The following CNIH3 variants were observed in gnomAD, a reference collection of about 807,000 sequenced individuals.
CNIH3 encodes the protein cornichon family AMPA receptor auxiliary protein 3, also known as protein cornichon homolog 3.
CNIH3 carries 14 observed loss-of-function variants against 24.1 expected under a neutral mutation model. The ratio of observed to expected loss-of-function variants is 0.58; its 90% confidence interval spans 0.38 to 0.91. The LOEUF (loss-of-function observed/expected upper bound fraction) is 0.91, where lower values mean the gene tolerates loss of function less well. Among genes scored for constraint, CNIH3 ranks in the 40% least tolerant of loss-of-function variants. CNIH3 has a pLI of 0.00. For missense variants in CNIH3, 178 were observed against 196.8 expected, an observed-to-expected ratio of 0.90 and a Z score of 0.57; for synonymous variants, 68 against 73.8, an observed-to-expected ratio of 0.92 and a Z score of 0.40.
intron 3 of CNIH3, among the ~76,000 whole-genome samples, chr1:224,722,805 G>A (rs6679040): frequency 0.15 from 22,661 of 152,226 alleles, 2,216 homozygotes; most frequent in African/African-American, 0.28. Context: ...CAGCCAGGCT[G>A]TAGAGCAGGG....
chr1:224,647,249 C>G (rs1002620769), intron 1 of CNIH3, among the ~76,000 whole-genome samples: 2 of 152,318 alleles, frequency 1.3e-5, no homozygotes, highest in African/African-American at 4.8e-5. Flanking sequence ...TCCCAAAGTG[C>G]CGTAATTATA....
chr1:224,730,834 C>T (rs1343561159), intron 4 of CNIH3, among the ~76,000 whole-genome samples: 1 of 152,216 alleles, frequency 6.6e-6, no homozygotes, highest in Non-Finnish European at 1.5e-5. Flanking sequence ...GCATTCACAA[C>T]AGCCAAAGAG....
intron 3 of CNIH3, among the ~76,000 whole-genome samples, chr1:224,712,440 C>T (rs1207034103): frequency 6.6e-6 from 1 of 152,170 alleles, no homozygotes; most frequent in Non-Finnish European, 1.5e-5. Flanking sequence ...GGATTGTACT[C>T]TTCCTAAAAG....
upstream of CNIH3, among the ~76,000 whole-genome samples, chr1:224,511,293 T>C (rs1012945944): frequency 6.6e-6 from 1 of 152,218 alleles, no homozygotes; most frequent in Non-Finnish European, 1.5e-5. Context: ...CCCCAGACCC[T>C]ATTTAATAAT....
At chr1:224,489,106 G>A (rs1228037001) in intron 1 of CNIH3, among the ~76,000 whole-genome samples, 1 of 151,800 alleles carries the variant, frequency 6.6e-6, no homozygotes, top group East Asian at 1.9e-4. Context: ...GAGATTCTGA[G>A]TTCTGCTATG....
At position 224,739,533 on chromosome 1, in the gene CNIH3, CTG is replaced by C. The variant is rs888568383; in HGVS notation, c.*178_*179del. On this transcript the variant is annotated 3_prime_UTR_variant, in exon 6 of 6. Coordinates refer to ENST00000272133, the MANE Select transcript of CNIH3 (RefSeq NM_152495.2). ...GCAGCAGCTGGGAGCCGAGTTAACC[CTG>C]CGTGTCTGTGTCACCCTGTTTGTCA... 4 of 1,154,456 alleles carry C rather than the reference CTG, an allele frequency of 3.5e-6. No homozygotes were observed. In the African/African-American group the frequency reaches 4.7e-5, roughly 14 times the overall value. The allele number at this position is 1,154,456 out of a possible 1,614,324, so 71.5% of individuals were successfully genotyped here.
intron 3 of CNIH3, among the ~76,000 whole-genome samples, chr1:224,553,767 T>G (rs189073688): frequency 4.6e-5 from 7 of 151,180 alleles, no homozygotes; most frequent in African/African-American, 1.7e-4. Context: ...TTAATACAAG[T>G]GAGTTTATAC....
At chr1:224,737,721 T>C (rs1689666036) in intron 5 of CNIH3, among the ~76,000 whole-genome samples, 1 of 152,186 alleles carries the variant, frequency 6.6e-6, no homozygotes, top group Non-Finnish European at 1.5e-5. Flanking sequence ...CCTGAGGACT[T>C]CGGAGAGGTT....
At chr1:224,650,568 T>C (rs564910682) in intron 1 of CNIH3, among the ~76,000 whole-genome samples, 6 of 152,112 alleles carry the variant, frequency 3.9e-5, no homozygotes, top group Non-Finnish European at 7.4e-5. Context: ...GCTCTGGGAC[T>C]TTGGGGCTGT....
chr1:224,711,794 C>CAAAAAAAAAA (rs11437581), intron 3 of CNIH3, among the ~76,000 whole-genome samples: 3 of 65,664 alleles, frequency 4.6e-5, no homozygotes, highest in East Asian at 4.4e-4. Context: ...GACCCTGTCT[C>CAAAAAAAAAA]AAAAAAAAAA....
chr1:224,577,779 C>T (rs572419207), intron 4 of CNIH3, among the ~76,000 whole-genome samples: 1 of 152,268 alleles, frequency 6.6e-6, no homozygotes, highest in East Asian at 1.9e-4. Flanking sequence ...AGGTTTATAG[C>T]AGCATAATTC....
chr1:224,574,926 A>C lies in CNIH3; in HGVS notation n.517-8238A>C, dbSNP rs1680972256. On this transcript the variant is annotated intron_variant and non_coding_transcript_variant, in intron 4 of 5. Transcript: ENST00000471578. ...GAAAGCTATTGGCATCTCCAACTTC[A>C]ACCATCTCCAGGTTGAGAGGATCTT... 4 of 976,566 alleles carry C rather than the reference A, an allele frequency of 4.1e-6. No individual in the cohort carries two copies. In the East Asian group the frequency reaches 9.5e-5, roughly 23 times the overall value. The allele number at this position is 976,566 out of a possible 1,614,324, so 60.5% of individuals were successfully genotyped here.
chr1:224,511,879 T>A (rs1461354549), upstream of CNIH3, among the ~76,000 whole-genome samples: 3 of 151,096 alleles, frequency 2.0e-5, no homozygotes, highest in East Asian at 4.0e-4. Context: ...AGAAAATTTT[T>A]AAAAGTTTGG....
intron 1 of CNIH3, among the ~76,000 whole-genome samples, chr1:224,666,717 A>G (rs141330815): frequency 3.5e-4 from 53 of 152,314 alleles, no homozygotes; most frequent in Non-Finnish European, 6.8e-4. Flanking sequence ...ACTGCATTTT[A>G]GAAGTTTCTT....
chr1:224,443,007 A>G (rs1426149289), intron 1 of CNIH3, among the ~76,000 whole-genome samples: 1 of 152,196 alleles, frequency 6.6e-6, no homozygotes, highest in Non-Finnish European at 1.5e-5. Flanking sequence ...TAGGGACACT[A>G]AAAGATTTTC....
intron 2 of CNIH3, among the ~76,000 whole-genome samples, chr1:224,535,582 G>A (rs754040603): frequency 8.5e-5 from 13 of 152,180 alleles, no homozygotes; most frequent in Non-Finnish European, 1.5e-4. Context: ...GATTTACAGC[G>A]GCTGATGGCA....
chr1:224,514,460 C>G (rs1678298001), upstream of CNIH3, among the ~76,000 whole-genome samples: 1 of 152,150 alleles, frequency 6.6e-6, no homozygotes, highest in Non-Finnish European at 1.5e-5. Context: ...GTAAAACTTA[C>G]ATAAGTTGAT....
chr1:224,459,173 C>G (rs1675801907), intron 1 of CNIH3: 1 of 924,466 alleles, frequency 1.1e-6, no homozygotes, highest in Non-Finnish European at 1.3e-6. Flanking sequence ...TTGCCTTCCC[C>G]TCTTTCTTCC....
intron 1 of CNIH3, among the ~76,000 whole-genome samples, chr1:224,484,638 T>C (rs1676957786): frequency 6.6e-6 from 1 of 152,132 alleles, no homozygotes; most frequent in Non-Finnish European, 1.5e-5. Context: ...TCTCCTACCT[T>C]TTGGGAACTC....
Sources: allele counts gnomAD v4.1 joint callset (sites outside exome capture counted in the v4.1 genomes callset), GRCh38; gene constraint gnomAD v4.1.1; transcripts MANE v1.5; gene names NCBI Gene and HGNC (gene_info 2026-07-23, HGNC 2026-07-21).